AFF3: variants seen among roughly 807,000 people sequenced by gnomAD.
AFF3 encodes the protein ALF transcription elongation factor 3, also known as AF4/FMR2 family member 3.
AFF3 carries 32 observed loss-of-function variants against 129.7 expected under a neutral mutation model. The observed-to-expected ratio is 0.25, with a 90% confidence interval of 0.19 to 0.33. AFF3 has a LOEUF of 0.33. AFF3 is among the 10% of genes least tolerant of loss of function. AFF3 has a pLI of 1.00. For synonymous variants in AFF3, 644 were observed against 635.4 expected (o/e 1.01, Z -0.20); for missense variants, 1,373 against 1,592.0 (o/e 0.86, Z 2.34).
At chr2:99,986,229 A>AATAATAATAATG (rs1679857059) in intron 7 of AFF3, among the ~76,000 whole-genome samples, 1 of 147,820 alleles carries the variant, frequency 6.8e-6, no homozygotes, top group Non-Finnish European at 1.5e-5. Context: ...TAATAATAAT[A>AATAATAATAATG]ATAATAATAA....
chr2:99,793,401 A>G (rs1370245180), intron 8 of AFF3, among the ~76,000 whole-genome samples: 1 of 152,242 alleles, frequency 6.6e-6, no homozygotes, highest in Non-Finnish European at 1.5e-5. Flanking sequence ...CCTTTACAGC[A>G]ACACAAAACA....
intron 7 of AFF3, among the ~76,000 whole-genome samples, chr2:99,988,768 C>A (rs574853898): frequency 1.4e-5 from 2 of 147,252 alleles, no homozygotes; most frequent in South Asian, 4.5e-4. Flanking sequence ...ACATGGGGGA[C>A]ACTGAACACT....
chr2:100,104,156 C>G (rs1691006381), intron 4 of AFF3, among the ~76,000 whole-genome samples: 1 of 152,116 alleles, frequency 6.6e-6, no homozygotes, highest in South Asian at 2.1e-4. Context: ...ACCTAGATCA[C>G]CAGTCCCTGG....
chr2:99,971,991 G>C (rs1172695372), intron 7 of AFF3, among the ~76,000 whole-genome samples: 2 of 152,192 alleles, frequency 1.3e-5, no homozygotes, highest in Admixed American at 6.5e-5. Flanking sequence ...ATTAACAGGT[G>C]AAACAACTGA....
chr2:99,775,446 AAC>A (rs1180883863), intron 8 of AFF3, among the ~76,000 whole-genome samples: 1 of 152,182 alleles, frequency 6.6e-6, no homozygotes, highest in African/African-American at 2.4e-5. Context: ...TTAGCAAACT[AAC>A]ACAGGAACAG....
At chr2:99,839,362 G>A (rs1286675258) in intron 7 of AFF3, among the ~76,000 whole-genome samples, 2 of 151,750 alleles carry the variant, frequency 1.3e-5, no homozygotes, top group Non-Finnish European at 2.9e-5. Flanking sequence ...CCCTCGCCTC[G>A]GCCTCCCAAA....
At position 99,606,563 on chromosome 2, in the gene AFF3, A is replaced by T. The variant is rs545488553; in HGVS notation, c.1185-4942T>A. On this transcript the variant is annotated intron_variant, in intron 13 of 24. Coordinates refer to ENST00000672756, the MANE Select transcript of AFF3 (RefSeq NM_001386135.1). Reference sequence around the variant, plus strand: ...CACTGGGTTAATGAGTTTTTTTTTTAAAAAAGAGATTGAATCTTTCGAGAA... The same window carrying T: ...CACTGGGTTAATGAGTTTTTTTTTTTAAAAAGAGATTGAATCTTTCGAGAA... Among the ~76,000 whole-genome samples, 114 of 151,860 alleles carry T rather than the reference A, an allele frequency of 7.5e-4. No homozygotes were observed. The Middle Eastern group carries it at 0.02, about 27-fold the overall frequency.
chr2:99,693,922 CTTTTTT>C (rs796185117), intron 11 of AFF3, among the ~76,000 whole-genome samples: 2 of 146,238 alleles, frequency 1.4e-5, no homozygotes, highest in Non-Finnish European at 3.0e-5. Flanking sequence ...TTCCTTAATA[CTTTTTT>C]TTTTTTTGAG....
chr2:99,864,387 A>G (rs1691222126), intron 7 of AFF3, among the ~76,000 whole-genome samples: 1 of 152,228 alleles, frequency 6.6e-6, no homozygotes, highest in East Asian at 1.9e-4. Flanking sequence ...GACTGAACCA[A>G]CAATGTCTCC....
chr2:99,623,755 C>A (rs1456629925), intron 13 of AFF3, among the ~76,000 whole-genome samples: 1 of 152,202 alleles, frequency 6.6e-6, no homozygotes, highest in African/African-American at 2.4e-5. Flanking sequence ...GCCTGTGAGC[C>A]CTGTCCTGAC....
chr2:99,622,283 C>T (rs572803912), intron 13 of AFF3, among the ~76,000 whole-genome samples: 46 of 152,206 alleles, frequency 3.0e-4, no homozygotes, highest in Non-Finnish European at 5.7e-4. Context: ...TGGTCCTGAT[C>T]GAAGATGGCT....
intron 2 of AFF3, among the ~76,000 whole-genome samples, chr2:100,114,573 G>A (rs552595319): frequency 1.3e-5 from 2 of 152,086 alleles, no homozygotes; most frequent in East Asian, 1.9e-4. Context: ...GTAGAAACAG[G>A]GTTTCACCAT....
intron 13 of AFF3, among the ~76,000 whole-genome samples, chr2:99,633,894 C>A (rs979607474): frequency 1.3e-5 from 2 of 150,976 alleles, no homozygotes; most frequent in South Asian, 2.1e-4. Flanking sequence ...CCAAATAAAC[C>A]TCTTTTCTTC....
chr2:99,742,037 G>A (rs1296360545), intron 10 of AFF3, among the ~76,000 whole-genome samples: 1 of 152,080 alleles, frequency 6.6e-6, no homozygotes, highest in Non-Finnish European at 1.5e-5. Flanking sequence ...TACATGTGCT[G>A]GGGTTTTGGA....
At chr2:99,644,918 C>T (rs1022766991) in intron 13 of AFF3, among the ~76,000 whole-genome samples, 5 of 152,188 alleles carry the variant, frequency 3.3e-5, no homozygotes, top group African/African-American at 1.2e-4. Context: ...TAACCAGCAT[C>T]AAATACACCG....
Position 99,559,038 on chromosome 2 carries a change from TTTG to T in AFF3, c.3192-73_3192-71del, listed in dbSNP as rs1388282364. The T allele has an allele frequency of 8.5e-6, 12 of 1,419,050 alleles. No individual in the cohort carries two copies. The Admixed American group carries it at 8.6e-5, about 10-fold the overall frequency. The allele number at this position is 1,419,050 out of a possible 1,614,324, so 87.9% of individuals were successfully genotyped here. ...CGTGCGCAAACAAGACTTAAACATT[TTTG>T]TTGTTGTTCTAAGGTACTCAATAAC... On this transcript the variant is annotated intron_variant, in intron 21 of 24. Coordinates refer to ENST00000672756, the MANE Select transcript of AFF3 (RefSeq NM_001386135.1).
At chr2:100,051,540 G>C (rs559721297) in intron 4 of AFF3, among the ~76,000 whole-genome samples, 8 of 152,310 alleles carry the variant, frequency 5.3e-5, no homozygotes, top group Admixed American at 6.5e-5. Flanking sequence ...TATTGAACCT[G>C]ATTAGACAGG....
chr2:99,818,636 T>C (rs374764135), intron 8 of AFF3, among the ~76,000 whole-genome samples: 91 of 152,240 alleles, frequency 6.0e-4, no homozygotes, highest in African/African-American at 2.2e-3. Context: ...TACATTTCAG[T>C]AGGAGGGTTT....
chr2:100,111,475 T>C (rs1321565332), intron 2 of AFF3, among the ~76,000 whole-genome samples: 1 of 152,266 alleles, frequency 6.6e-6, no homozygotes, highest in Non-Finnish European at 1.5e-5. Context: ...CAGCATTTTT[T>C]GAATATTCCA....
Sources: gnomAD v4.1 joint callset for allele counts (sites outside exome capture counted in the v4.1 genomes callset) on GRCh38, gnomAD v4.1.1 for gene constraint, MANE v1.5 for transcripts, NCBI Gene and HGNC (gene_info 2026-07-23, HGNC 2026-07-21) for gene names.